PPM1E: variants seen among roughly 807,000 people sequenced by gnomAD.
PPM1E encodes the protein protein phosphatase, Mg2+/Mn2+ dependent 1E.
PPM1E carries 20 observed loss-of-function variants against 65.9 expected under a neutral mutation model. The observed-to-expected ratio is 0.30, with a 90% confidence interval of 0.21 to 0.44. The LOEUF is 0.44. Ranked by LOEUF, PPM1E falls within the 20% of genes least tolerant of loss-of-function variation. PPM1E has a pLI of 1.00. For synonymous variants in PPM1E, 352 were observed against 374.9 expected, an observed-to-expected ratio of 0.94 and a Z score of 0.70; for missense variants, 713 against 953.1, an observed-to-expected ratio of 0.75 and a Z score of 3.32.
chr17:58,822,818 A>G (rs1398209173), intron 1 of PPM1E, among the ~76,000 whole-genome samples: 3 of 152,198 alleles, frequency 2.0e-5, no homozygotes, highest in African/African-American at 7.2e-5. Context: ...TTATGCTATC[A>G]GTCAGGTCTT....
chr17:58,780,467 A>T (rs2050039922), intron 1 of PPM1E, among the ~76,000 whole-genome samples: 1 of 152,228 alleles, frequency 6.6e-6, no homozygotes, highest in Non-Finnish European at 1.5e-5. Context: ...AATTTTTGCC[A>T]ATCTGATGAG....
At chr17:58,813,239 G>A (rs2050386605) in intron 1 of PPM1E, among the ~76,000 whole-genome samples, 2 of 152,070 alleles carry the variant, frequency 1.3e-5, no homozygotes, top group African/African-American at 4.8e-5. Context: ...TAAATTTCCA[G>A]CTTGTTTAAA....
At chr17:58,976,761 T>A (rs958155412) in intron 6 of PPM1E, among the ~76,000 whole-genome samples, 8 of 152,194 alleles carry the variant, frequency 5.3e-5, no homozygotes, top group Non-Finnish European at 1.0e-4. Context: ...TTTGGCAGCA[T>A]TTTCTCTGTA....
intron 1 of PPM1E, among the ~76,000 whole-genome samples, chr17:58,765,912 G>A (rs959784033): frequency 6.0e-5 from 8 of 133,530 alleles, no homozygotes; most frequent in African/African-American, 2.0e-4. Flanking sequence ...ATGGTGTCTC[G>A]TTCTGTTGCC....
At chr17:58,854,210 A>G (rs1298631327) in intron 1 of PPM1E, among the ~76,000 whole-genome samples, 1 of 152,094 alleles carries the variant, frequency 6.6e-6, no homozygotes, top group Non-Finnish European at 1.5e-5. Flanking sequence ...CAGATTGTTC[A>G]CATTTAGTGA....
intron 1 of PPM1E, among the ~76,000 whole-genome samples, chr17:58,954,100 C>G (rs1453673350): frequency 6.6e-6 from 1 of 152,170 alleles, no homozygotes; most frequent in Non-Finnish European, 1.5e-5. Context: ...TACCCCACTT[C>G]CTTCACAAAC....
chr17:58,779,809 A>G (rs1324314389), intron 1 of PPM1E, among the ~76,000 whole-genome samples: 1 of 152,170 alleles, frequency 6.6e-6, no homozygotes, highest in Non-Finnish European at 1.5e-5. Context: ...TCTCTATGTC[A>G]ATATCTATCT....
At chr17:58,781,001 C>T (rs1021199166) in intron 1 of PPM1E, among the ~76,000 whole-genome samples, 1 of 151,950 alleles carries the variant, frequency 6.6e-6, no homozygotes, top group Admixed American at 6.6e-5. Flanking sequence ...TTAATTTTGT[C>T]AAAATGCTTA....
intron 1 of PPM1E, among the ~76,000 whole-genome samples, chr17:58,821,360 T>C (rs1311907695): frequency 6.6e-6 from 1 of 152,220 alleles, no homozygotes; most frequent in Non-Finnish European, 1.5e-5. Context: ...TCCGCCCGTC[T>C]CGGCCTCCCA....
intron 1 of PPM1E, among the ~76,000 whole-genome samples, chr17:58,927,883 A>C (rs2051843966): frequency 6.6e-6 from 1 of 151,738 alleles, no homozygotes; most frequent in Non-Finnish European, 1.5e-5. Context: ...AGATGGTGAA[A>C]CCCTCTCTCT....
chr17:58,798,230 G>GTTTTTTT (rs980535079), intron 1 of PPM1E, among the ~76,000 whole-genome samples: 18 of 130,028 alleles, frequency 1.4e-4, no homozygotes, highest in East Asian at 9.0e-4. Flanking sequence ...TTTTTTGTTT[G>GTTTTTTT]TTTTTTTTTT....
chr17:58,808,887 T>C (rs540978365), intron 1 of PPM1E, among the ~76,000 whole-genome samples: 14 of 152,222 alleles, frequency 9.2e-5, no homozygotes, highest in African/African-American at 3.4e-4. Context: ...CTTTTTAGTA[T>C]GAACACTTAA....
chr17:58,763,181 G>C (rs763718292), intron 1 of PPM1E, among the ~76,000 whole-genome samples: 10 of 152,074 alleles, frequency 6.6e-5, no homozygotes, highest in Non-Finnish European at 1.5e-4. Context: ...CTTATATAGA[G>C]TTCCTTCAGT....
chr17:58,797,732 A>G lies in PPM1E; in HGVS notation c.464+41271A>G, dbSNP rs140443979. 3.9e-5 allele frequency among the ~76,000 whole-genome samples: 6 copies of G among 152,298 alleles called. No individual in the cohort carries two copies. The East Asian group carries it at 9.6e-4, about 24-fold the overall frequency. ...CTTGTATTTCTCTAAGGTCCTAGGA[A>G]TAGAAATGCTGGATCATTAGGTAGG... On this transcript the variant is annotated intron_variant, in intron 1 of 6. Coordinates refer to ENST00000308249, the MANE Select transcript of PPM1E (RefSeq NM_014906.5).
At position 58,916,626 on chromosome 17, in the gene PPM1E, A is replaced by C. The variant is rs116602732; in HGVS notation, c.465-39023A>C. ...GAGTGACAGAGCGAGACCCTATCTC[A>C]AAAAAGAAAGAAATTATGACAGAAG... On this transcript the variant is annotated intron_variant, in intron 1 of 6. Transcript: ENST00000308249. Among the ~76,000 whole-genome samples the C allele has an allele frequency of 7.7e-3, 1,179 of 152,206 alleles. 15 individuals carry two copies. The highest frequency in any genetic ancestry group is 0.026 in the African/African-American group (1,096 of 41,508).
intron 1 of PPM1E, among the ~76,000 whole-genome samples, chr17:58,813,465 C>G (rs1317740343): frequency 1.3e-5 from 2 of 152,120 alleles, no homozygotes; most frequent in Non-Finnish European, 2.9e-5. Context: ...CCAGATTGCT[C>G]CTTATCCCAA....
intron 1 of PPM1E, among the ~76,000 whole-genome samples, chr17:58,867,730 T>A (rs959837866): frequency 6.6e-6 from 1 of 152,200 alleles, no homozygotes; most frequent in Non-Finnish European, 1.5e-5. Context: ...TTTGGAAAAA[T>A]TTTTGTATCT....
chr17:58,954,879 CA>C (rs10715470), intron 1 of PPM1E, among the ~76,000 whole-genome samples: 49,622 of 100,910 alleles, frequency 0.49, 10,142 homozygotes, highest in Middle Eastern at 0.65. Flanking sequence ...GAGTCTCTCT[CA>C]AAAAAAAAAA....
intron 1 of PPM1E, among the ~76,000 whole-genome samples, chr17:58,826,086 C>T (rs55910570): frequency 1.3e-5 from 2 of 151,238 alleles, no homozygotes; most frequent in Admixed American, 1.3e-4. Flanking sequence ...GTCCGAAGTT[C>T]GAGACCAGCC....
Sources: gnomAD v4.1 joint callset for allele counts (sites outside exome capture counted in the v4.1 genomes callset) on GRCh38, gnomAD v4.1.1 for gene constraint, MANE v1.5 for transcripts, NCBI Gene and HGNC (gene_info 2026-07-23, HGNC 2026-07-21) for gene names.